The following BTBD9 variants were observed in gnomAD, a reference collection of about 807,000 sequenced individuals.
The protein encoded by BTBD9 is BTB domain containing 9, also known as BTB/POZ domain-containing protein 9.
In BTBD9, 49 loss-of-function variants were observed where a neutral mutation model predicts 64.3. That is an observed-to-expected ratio of 0.76 (90% CI 0.61 to 0.97). BTBD9 has a LOEUF of 0.97. Ranked by LOEUF, BTBD9 falls within the 50% of genes least tolerant of loss-of-function variation. The probability of loss-of-function intolerance (pLI) is 0.00; values close to 1 mark genes in which losing one functional copy is unlikely to be tolerated. For missense variants in BTBD9, 598 were observed against 762.1 expected (o/e 0.78, Z 2.53); for synonymous variants, 260 against 274.7 (o/e 0.95, Z 0.53).
intron 6 of BTBD9, among the ~76,000 whole-genome samples, chr6:38,365,530 C>A (rs776138867): frequency 6.6e-6 from 1 of 152,054 alleles, no homozygotes; most frequent in Non-Finnish European, 1.5e-5. Context: ...CTGCTTGAGT[C>A]CAGGAGTTCA....
chr6:38,605,977 G>C (rs982106650), intron 1 of BTBD9, among the ~76,000 whole-genome samples: 3 of 152,194 alleles, frequency 2.0e-5, no homozygotes, highest in African/African-American at 7.2e-5. Context: ...CTAATCAGCT[G>C]CCAGCATAAA....
intron 9 of BTBD9, among the ~76,000 whole-genome samples, chr6:38,202,076 GTTTTTTTTGTTT>G (rs1188594956): frequency 7.4e-6 from 1 of 135,060 alleles, no homozygotes; most frequent in Non-Finnish European, 1.5e-5. Flanking sequence ...CAAAAATGTC[GTTTTTTTTGTTT>G]TTTTTTTTTT....
At chr6:38,344,313 A>T (rs1469402733) in intron 7 of BTBD9, among the ~76,000 whole-genome samples, 3 of 152,178 alleles carry the variant, frequency 2.0e-5, no homozygotes, top group African/African-American at 7.2e-5. Context: ...TACTGAAAAT[A>T]AAAACAAAAC....
chr6:38,509,181 A>G (rs1772671281), intron 6 of BTBD9, among the ~76,000 whole-genome samples: 1 of 152,220 alleles, frequency 6.6e-6, no homozygotes, highest in South Asian at 2.1e-4. Flanking sequence ...GTTACTCAAT[A>G]GGGGGAAGGG....
At chr6:38,177,706 G>A (rs893632874) in intron 10 of BTBD9, among the ~76,000 whole-genome samples, 4 of 152,176 alleles carry the variant, frequency 2.6e-5, no homozygotes, top group Non-Finnish European at 5.9e-5. Flanking sequence ...CGGTGCCCTG[G>A]TTCTCATTGT....
intron 9 of BTBD9, among the ~76,000 whole-genome samples, chr6:38,249,758 C>CAAAAAAAAAAAAAAAAAA (rs386358932): frequency 8.2e-6 from 1 of 121,792 alleles, no homozygotes. Flanking sequence ...CATTAAGAAT[C>CAAAAAAAAAAAAAAAAAA]AAAAAAAAAA....
At chr6:38,509,292 T>C (rs1481082224) in intron 6 of BTBD9, among the ~76,000 whole-genome samples, 2 of 152,244 alleles carry the variant, frequency 1.3e-5, no homozygotes, top group Non-Finnish European at 2.9e-5. Context: ...TTTTTAAGAA[T>C]GAAATTTCTA....
intron 6 of BTBD9, among the ~76,000 whole-genome samples, chr6:38,453,971 G>A (rs895998378): frequency 2.6e-5 from 4 of 152,156 alleles, no homozygotes; most frequent in Non-Finnish European, 5.9e-5. Context: ...GCATCAGCAG[G>A]ACAAAAGTGG....
intron 7 of BTBD9, 72 bp from the exon 8 acceptor site, chr6:38,288,533 C>A: frequency 4.9e-6 from 6 of 1,220,038 alleles, no homozygotes; most frequent in South Asian, 1.4e-5. Context: ...GTGCTCAGAA[C>A]AAAATTAATT....
At chr6:38,309,490 G>T (rs568694984) in intron 7 of BTBD9, among the ~76,000 whole-genome samples, 1 of 150,820 alleles carries the variant, frequency 6.6e-6, no homozygotes, top group East Asian at 2.0e-4. Flanking sequence ...TCGGCTCACT[G>T]CAACCTCCAA....
At chr6:38,357,203 C>T (rs1764759705) in intron 6 of BTBD9, among the ~76,000 whole-genome samples, 1 of 152,166 alleles carries the variant, frequency 6.6e-6, no homozygotes, top group South Asian at 2.1e-4. Flanking sequence ...ACCAATCTTC[C>T]TCACAGTAGC....
chr6:38,370,435 A>G (rs1765371124), intron 6 of BTBD9, among the ~76,000 whole-genome samples: 1 of 152,236 alleles, frequency 6.6e-6, no homozygotes, highest in Non-Finnish European at 1.5e-5. Flanking sequence ...ACTTGGAAAG[A>G]TACTGGCTTC....
At chr6:38,433,032 C>A (rs574800361) in intron 6 of BTBD9, among the ~76,000 whole-genome samples, 95 of 152,064 alleles carry the variant, frequency 6.2e-4, no homozygotes, top group Non-Finnish European at 8.1e-4. Context: ...GTTATAGCAA[C>A]AGAAAACTGA....
At chr6:38,241,881 G>A (rs1360730079) in intron 9 of BTBD9, among the ~76,000 whole-genome samples, 3 of 151,984 alleles carry the variant, frequency 2.0e-5, no homozygotes, top group African/African-American at 7.2e-5. Flanking sequence ...TTTTTAAGTA[G>A]GCAATAGGAA....
chr6:38,236,381 C>T (rs755981600), intron 9 of BTBD9, among the ~76,000 whole-genome samples: 70 of 152,308 alleles, frequency 4.6e-4, no homozygotes, highest in Non-Finnish European at 8.7e-4. Context: ...TGGTCTGTGA[C>T]ATCATTTCAA....
At chr6:38,296,161 A>T (rs1472947377) in intron 7 of BTBD9, among the ~76,000 whole-genome samples, 1 of 152,186 alleles carries the variant, frequency 6.6e-6, no homozygotes, top group Non-Finnish European at 1.5e-5. Flanking sequence ...AAGTAATTGT[A>T]AATCTTAGTT....
chr6:38,461,279 C>G (rs1305994258), intron 6 of BTBD9, among the ~76,000 whole-genome samples: 1 of 152,266 alleles, frequency 6.6e-6, no homozygotes, highest in East Asian at 1.9e-4. Context: ...TATCCATCAC[C>G]CCAAAAGTTT....
chr6:38,383,846 ATCT>A (rs1766043076), intron 6 of BTBD9, among the ~76,000 whole-genome samples: 1 of 152,188 alleles, frequency 6.6e-6, no homozygotes, highest in African/African-American at 2.4e-5. Flanking sequence ...ATATGTCGAC[ATCT>A]TAACCCCTTG....
chr6:38,606,197 C>T (rs752336334), intron 1 of BTBD9, among the ~76,000 whole-genome samples: 3 of 152,252 alleles, frequency 2.0e-5, no homozygotes, highest in Middle Eastern at 3.4e-3. Context: ...TTTTCAGACT[C>T]GGACTGGCTT....
Sources: gnomAD v4.1 joint callset for allele counts (sites outside exome capture counted in the v4.1 genomes callset) on GRCh38, gnomAD v4.1.1 for gene constraint, MANE v1.5 for transcripts, NCBI Gene and HGNC (gene_info 2026-07-23, HGNC 2026-07-21) for gene names.